QKI: variants seen among roughly 807,000 people sequenced by gnomAD.
QKI encodes the protein QKI, KH domain containing RNA binding, also known as KH domain-containing RNA-binding protein QKI.
A neutral mutation model predicts 39.0 loss-of-function variants in QKI; 10 were observed. The ratio of observed to expected loss-of-function variants is 0.26; its 90% CI spans 0.16 to 0.43. The LOEUF is 0.43. QKI is among the 20% of genes least tolerant of loss of function. QKI has a pLI of 1.00. For synonymous variants in QKI, 204 were observed against 155.4 expected (o/e 1.31, Z -2.33); for missense variants, 218 against 428.0 (o/e 0.51, Z 4.33).
chr6:163,517,058 A>ACTCT (rs376115203), intron 3 of QKI, among the ~76,000 whole-genome samples: 14 of 142,188 alleles, frequency 9.8e-5, no homozygotes, highest in Admixed American at 3.4e-4. Context: ...ACACACACTC[A>ACTCT]CTCTCTCTCT....
chr6:163,523,180 G>GT (rs1780266257), intron 3 of QKI, among the ~76,000 whole-genome samples: 1 of 152,064 alleles, frequency 6.6e-6, no homozygotes, highest in African/African-American at 2.4e-5. Context: ...TTAGTTTTGT[G>GT]TTTTTCATTT....
At chr6:163,510,892 C>G (rs1023883207) in intron 3 of QKI, among the ~76,000 whole-genome samples, 1 of 139,972 alleles carries the variant, frequency 7.1e-6, no homozygotes, top group African/African-American at 2.8e-5. Flanking sequence ...AAAAATTACT[C>G]AGAAGATTTG....
At chr6:163,515,032 A>C (rs1779705491) in intron 3 of QKI, among the ~76,000 whole-genome samples, 1 of 152,226 alleles carries the variant, frequency 6.6e-6, no homozygotes, top group South Asian at 2.1e-4. Flanking sequence ...AAATTCATTC[A>C]AAAACAATTT....
chr6:163,503,958 G>A (rs1035350263), intron 3 of QKI, among the ~76,000 whole-genome samples: 1 of 152,000 alleles, frequency 6.6e-6, no homozygotes, highest in East Asian at 1.9e-4. Flanking sequence ...GCCCAAGCTG[G>A]TCTCGAACTC....
chr6:163,465,542 T>G (rs1015890099), intron 2 of QKI, among the ~76,000 whole-genome samples: 1 of 148,578 alleles, frequency 6.7e-6, no homozygotes, highest in Admixed American at 6.8e-5. Context: ...GGCAGGAGAA[T>G]CACTTGAGCC....
chr6:163,554,268 A>G (rs1207546126), intron 4 of QKI, among the ~76,000 whole-genome samples: 4 of 152,182 alleles, frequency 2.6e-5, no homozygotes, highest in Middle Eastern at 6.3e-3. Context: ...AGGAGCGCAC[A>G]TGGGAAAGAG....
chr6:163,553,606 AT>A (rs1782401536), intron 4 of QKI, among the ~76,000 whole-genome samples: 2 of 152,146 alleles, frequency 1.3e-5, no homozygotes, highest in African/African-American at 4.8e-5. Context: ...TGTGAATCAT[AT>A]AAATCCTTCA....
intron 1 of QKI, among the ~76,000 whole-genome samples, chr6:163,420,060 C>T (rs769467200): frequency 2.0e-5 from 3 of 151,806 alleles, no homozygotes; most frequent in Admixed American, 2.0e-4. Flanking sequence ...ATAATAAAAC[C>T]CTCATGCTTT....
chr6:163,425,607 A>C (rs1308761725), intron 1 of QKI, among the ~76,000 whole-genome samples: 1 of 152,198 alleles, frequency 6.6e-6, no homozygotes, highest in Admixed American at 6.5e-5. Flanking sequence ...TTTTCTCAAA[A>C]TAGTATTAAT....
At chr6:163,561,941 C>A in intron 4 of QKI, 41 bp from the exon 5 acceptor site, 1 of 1,449,006 alleles carries the variant, frequency 6.9e-7, no homozygotes. Context: ...TATTTGTGGA[C>A]AGTCTCAAAT....
intron 4 of QKI, among the ~76,000 whole-genome samples, chr6:163,557,812 A>C (rs1428485936): frequency 6.7e-6 from 1 of 150,110 alleles, no homozygotes; most frequent in African/African-American, 2.5e-5. Flanking sequence ...TGTGCCCACA[A>C]AAACTTAAAA....
intron 1 of QKI, among the ~76,000 whole-genome samples, chr6:163,421,241 A>C (rs1239028461): frequency 6.6e-6 from 1 of 152,238 alleles, no homozygotes; most frequent in Non-Finnish European, 1.5e-5. Flanking sequence ...ACTTGCTGCC[A>C]AGGTGCTTAA....
intron 1 of QKI, among the ~76,000 whole-genome samples, chr6:163,449,995 G>A (rs1790425955): frequency 6.6e-6 from 1 of 151,742 alleles, no homozygotes; most frequent in African/African-American, 2.4e-5. Context: ...TAACATATGT[G>A]TGTATAACAT....
chr6:163,552,821 T>C (rs1159899761), intron 4 of QKI, among the ~76,000 whole-genome samples: 1 of 152,148 alleles, frequency 6.6e-6, no homozygotes, highest in Non-Finnish European at 1.5e-5. Context: ...TTTATCTTGC[T>C]TTACCTTTCT....
intron 1 of QKI, among the ~76,000 whole-genome samples, chr6:163,428,616 A>C (rs1309586759): frequency 6.6e-6 from 1 of 152,208 alleles, no homozygotes; most frequent in Admixed American, 6.5e-5. Flanking sequence ...GTAGGTAAAT[A>C]CTACATAGAT....
At chr6:163,520,335 A>G (rs1780071400) in intron 3 of QKI, among the ~76,000 whole-genome samples, 2 of 152,172 alleles carry the variant, frequency 1.3e-5, no homozygotes, top group Admixed American at 1.3e-4. Context: ...AACACTGGAT[A>G]ATGTATAGAA....
At chr6:163,524,882 T>A (rs1780389182) in intron 3 of QKI, among the ~76,000 whole-genome samples, 1 of 152,162 alleles carries the variant, frequency 6.6e-6, no homozygotes, top group African/African-American at 2.4e-5. Context: ...CCATGTGCTA[T>A]CCGAACACTA....
At chr6:163,491,379 G>C (rs1340655753) in intron 3 of QKI, among the ~76,000 whole-genome samples, 1 of 152,170 alleles carries the variant, frequency 6.6e-6, no homozygotes, top group Non-Finnish European at 1.5e-5. Flanking sequence ...TGGTTTAAAT[G>C]CCAACTGTGA....
rs746352453 is a variant in QKI at position 163,415,341 on chromosome 6, C to T, written c.142+6C>T. ...CGAGCGGCTGCTGGACGAAGGTGAG[C>T]GTCTCCAGGGCCCCGGCCCCGGCCC... is the stretch of plus-strand genomic sequence containing the variant. On this transcript the variant is annotated splice_donor_region_variant and intron_variant, in intron 1 of 7. Coordinates refer to ENST00000361752, the MANE Select transcript of QKI (RefSeq NM_006775.3). 11 of 1,563,214 alleles carry T rather than the reference C, an allele frequency of 7.0e-6. No individual in the cohort carries two copies. In the African/African-American group the frequency reaches 1.1e-4, roughly 16 times the overall value.
Sources: allele counts gnomAD v4.1 joint callset (sites outside exome capture counted in the v4.1 genomes callset), GRCh38; gene constraint gnomAD v4.1.1; transcripts MANE v1.5; gene names NCBI Gene and HGNC (gene_info 2026-07-23, HGNC 2026-07-21).